The following MARCHF1 variants were observed in gnomAD, a reference collection of about 807,000 sequenced individuals.
MARCHF1 encodes the protein E3 ubiquitin-protein ligase MARCHF1.
A neutral mutation model predicts 54.2 loss-of-function variants in MARCHF1; 40 were observed. The observed-to-expected ratio is 0.74, with a 90% CI of 0.57 to 0.96. MARCHF1 has a LOEUF of 0.96. Ranked by LOEUF, MARCHF1 falls within the 40% of genes least tolerant of loss-of-function variation. The pLI is 0.00. For synonymous variants in MARCHF1, 236 were observed against 236.3 expected (o/e 1.00, Z 0.01); for missense variants, 586 against 656.5 (o/e 0.89, Z 1.17).
rs1420316892 is a variant in MARCHF1, at chr4:164,143,327, CAA to C, written c.-322-31667_-322-31666del. On this transcript the variant is annotated intron_variant, in intron 1 of 9. Transcript: ENST00000514618. Reference sequence around the variant, plus strand: ...GATTCAGGAAATACAGAGAACGCCACAAAGATACTCCTCGAGAAGAGCAACTC... The same window carrying C: ...GATTCAGGAAATACAGAGAACGCCACAGATACTCCTCGAGAAGAGCAACTC... 6.2e-5 allele frequency among the ~76,000 whole-genome samples: 9 copies of C among 144,768 alleles called. No individual in the cohort carries two copies. In the East Asian group the frequency reaches 1.6e-3, roughly 26 times the overall value. 95.0% of individuals were successfully genotyped at this position (144,768 alleles called of 152,430 possible).
chr4:164,176,984 A>C (rs200930504), intron 1 of MARCHF1, among the ~76,000 whole-genome samples: 1,325 of 55,912 alleles, frequency 0.024, 17 homozygotes, highest in East Asian at 0.1. Flanking sequence ...CTCTCTCTAT[A>C]TATATATATA....
chr4:163,959,248 C>G (rs1479745032), intron 3 of MARCHF1, among the ~76,000 whole-genome samples: 1 of 151,438 alleles, frequency 6.6e-6, no homozygotes, highest in Non-Finnish European at 1.5e-5. Context: ...CTAGTCTGCT[C>G]AGGTTGCAAT....
intron 1 of MARCHF1, among the ~76,000 whole-genome samples, chr4:164,274,442 A>G (rs1399128241): frequency 6.6e-6 from 1 of 152,078 alleles, no homozygotes; most frequent in Non-Finnish European, 1.5e-5. Flanking sequence ...TTTTCTTAAT[A>G]AGAGGAATTC....
chr4:164,377,591 GCACACA>G (rs56204290), intron 1 of MARCHF1, among the ~76,000 whole-genome samples: 17 of 149,414 alleles, frequency 1.1e-4, no homozygotes, highest in Non-Finnish European at 2.2e-4. Context: ...TACTTTTTAT[GCACACA>G]CACACACACA....
rs144628535 is a variant in MARCHF1, at chr4:164,127,319, G to A, written c.-322-15657C>T. Reference sequence around the variant, plus strand: ...AATGCAAGAAGAGAGAAACAACTTAGAGTTTTTTATTAAAAGAGAAGAACT... The same window carrying A: ...AATGCAAGAAGAGAGAAACAACTTAAAGTTTTTTATTAAAAGAGAAGAACT... On this transcript the variant is annotated intron_variant, in intron 1 of 9. Transcript: ENST00000514618. Among the ~76,000 whole-genome samples the A allele has an allele frequency of 1.5e-4, 23 of 152,234 alleles. No individual in the cohort carries two copies. The East Asian group carries it at 4.4e-3, about 29-fold the overall frequency.
intron 3 of MARCHF1, among the ~76,000 whole-genome samples, chr4:163,942,775 T>C (rs1404582605): frequency 6.6e-6 from 1 of 151,344 alleles, no homozygotes; most frequent in Non-Finnish European, 1.5e-5. Context: ...GACAGTTCTG[T>C]TGGACAAAAA....
intron 2 of MARCHF1, among the ~76,000 whole-genome samples, chr4:163,991,407 A>T (rs775566596): frequency 4.6e-5 from 7 of 152,154 alleles, no homozygotes; most frequent in Non-Finnish European, 8.8e-5. Context: ...AATGTCTTGC[A>T]CTTACCTAAT....
intron 4 of MARCHF1, among the ~76,000 whole-genome samples, chr4:163,737,062 TCAAAGTAGAGAC>T (rs1312727019): frequency 6.6e-6 from 1 of 151,836 alleles, no homozygotes; most frequent in Non-Finnish European, 1.5e-5. Context: ...TTGCCAGGCC[TCAAAGTAGAGAC>T]CTGGTGTCTA....
chr4:164,142,228 C>G (rs764188146), intron 1 of MARCHF1, among the ~76,000 whole-genome samples: 81 of 152,282 alleles, frequency 5.3e-4, no homozygotes, highest in Non-Finnish European at 1.0e-3. Context: ...ACTGCAAGGC[C>G]GCAGCCAGGC....
At chr4:164,271,122 AAGATGCT>A (rs1470486412) in intron 1 of MARCHF1, among the ~76,000 whole-genome samples, 5 of 152,194 alleles carry the variant, frequency 3.3e-5, no homozygotes, top group Admixed American at 6.6e-5. Flanking sequence ...AATGTAATGA[AAGATGCT>A]AGGCAAATAA....
intron 3 of MARCHF1, among the ~76,000 whole-genome samples, chr4:163,963,954 G>T (rs1484394974): frequency 1.3e-5 from 2 of 151,920 alleles, no homozygotes; most frequent in Non-Finnish European, 2.9e-5. Flanking sequence ...CTTCTCAGCT[G>T]AGCCCAGTAA....
At chr4:163,834,806 C>T (rs1229042289) in intron 4 of MARCHF1, among the ~76,000 whole-genome samples, 4 of 152,082 alleles carry the variant, frequency 2.6e-5, no homozygotes, top group Non-Finnish European at 4.4e-5. Context: ...GCCTTTTAGG[C>T]ATATACTCAG....
intron 4 of MARCHF1, among the ~76,000 whole-genome samples, chr4:163,839,544 A>G (rs1181333144): frequency 1.3e-5 from 2 of 152,166 alleles, no homozygotes; most frequent in Non-Finnish European, 2.9e-5. Flanking sequence ...AAGTTTTGAC[A>G]CATGCTACAA....
At chr4:164,108,552 A>C (rs1408801108) in intron 2 of MARCHF1, among the ~76,000 whole-genome samples, 1 of 152,094 alleles carries the variant, frequency 6.6e-6, no homozygotes, top group Non-Finnish European at 1.5e-5. Flanking sequence ...ATTTTTATAT[A>C]AATGAATTTT....
chr4:163,708,006 A>G (rs986085469), intron 4 of MARCHF1, among the ~76,000 whole-genome samples: 5 of 151,724 alleles, frequency 3.3e-5, no homozygotes, highest in African/African-American at 1.2e-4. Flanking sequence ...GAAAAGGAAA[A>G]CAGGATTTGC....
intron 8 of MARCHF1, among the ~76,000 whole-genome samples, chr4:163,561,590 G>A (rs1739470721): frequency 6.6e-6 from 1 of 152,092 alleles, no homozygotes; most frequent in South Asian, 2.1e-4. Flanking sequence ...CGTTTTGAAT[G>A]CCAATTTAAG....
At chr4:164,025,997 C>T (rs1579470627) in intron 2 of MARCHF1, among the ~76,000 whole-genome samples, 1 of 151,966 alleles carries the variant, frequency 6.6e-6, no homozygotes, top group African/African-American at 2.4e-5. Context: ...CCTGGAAAGA[C>T]ACAGCCTCCC....
At chr4:164,212,138 G>C (rs1731794729) in intron 1 of MARCHF1, among the ~76,000 whole-genome samples, 1 of 151,932 alleles carries the variant, frequency 6.6e-6, no homozygotes, top group African/African-American at 2.4e-5. Context: ...GGAGGAGAAA[G>C]AGAAAGAATA....
chr4:163,602,484 A>G (rs976245093), intron 7 of MARCHF1, among the ~76,000 whole-genome samples: 1 of 151,986 alleles, frequency 6.6e-6, no homozygotes, highest in African/African-American at 2.4e-5. Flanking sequence ...TGGAAGCAAG[A>G]CCTCCTGACT....
Sources: allele counts gnomAD v4.1 joint callset (sites outside exome capture counted in the v4.1 genomes callset), GRCh38; gene constraint gnomAD v4.1.1; transcripts MANE v1.5; gene names NCBI Gene and HGNC (gene_info 2026-07-23, HGNC 2026-07-21).